Variants in FARP1 observed in about 807,000 individuals in gnomAD.
The protein encoded by FARP1 is FERM, ARH/RhoGEF and pleckstrin domain protein 1, also known as FERM, ARHGEF and pleckstrin domain-containing protein 1.
A neutral mutation model predicts 128.8 loss-of-function variants in FARP1; 52 were observed. The ratio of observed to expected loss-of-function variants is 0.40; its 90% CI spans 0.32 to 0.51. FARP1 has a LOEUF of 0.51. FARP1 is among the 20% of genes least tolerant of loss of function. The pLI, the probability that FARP1 is intolerant of heterozygous loss-of-function variation, is 0.45. For missense variants in FARP1, 1,333 were observed against 1,367.9 expected, an observed-to-expected ratio of 0.97 and a Z score of 0.40; for synonymous variants, 580 against 551.8, an observed-to-expected ratio of 1.05 and a Z score of -0.72.
intron 9 of FARP1, 193 bp from the exon 10 acceptor site, chr13:98,389,764 T>C (rs1890236140): frequency 2.0e-6 from 1 of 511,866 alleles, no homozygotes; most frequent in Non-Finnish European, 3.4e-6. Flanking sequence ...GGGAAGAAAA[T>C]GATGGACTAG....
chr13:98,149,233 C>T (rs1306593044), intron 1 of FARP1, among the ~76,000 whole-genome samples: 1 of 152,116 alleles, frequency 6.6e-6, no homozygotes, highest in East Asian at 1.9e-4. Flanking sequence ...CTTCTCCTCT[C>T]CCTCTCTTCT....
intron 2 of FARP1, among the ~76,000 whole-genome samples, chr13:98,316,399 T>C (rs942584662): frequency 2.0e-5 from 3 of 152,156 alleles, no homozygotes; most frequent in African/African-American, 7.2e-5. Context: ...CATCCCAAAT[T>C]TTGTAGATGT....
chr13:98,244,450 G>T (rs750660547), intron 2 of FARP1: 2 of 1,558,562 alleles, frequency 1.3e-6, no homozygotes, highest in South Asian at 1.2e-5. Context: ...AACAAAAAGC[G>T]CCTTTTCAAG....
chr13:98,345,354 T>C (rs148506608), intron 3 of FARP1: 20 of 148,998 alleles, frequency 1.3e-4, no homozygotes, highest in African/African-American at 4.9e-4. Flanking sequence ...TTTCCCCATG[T>C]CTGAATCTAC....
intron 15 of FARP1, 64 bp from the exon 16 acceptor site, chr13:98,411,837 A>G: frequency 1.9e-6 from 3 of 1,571,472 alleles, no homozygotes; most frequent in Non-Finnish European, 2.6e-6. Flanking sequence ...TGACTTCTGG[A>G]GAAAACTGCA....
Position 98,176,742 on chromosome 13 carries a change from GC to G in FARP1, c.-24+33253del. On this transcript the variant is annotated intron_variant, in intron 1 of 26. Transcript: ENST00000319562. This position sits in a 1 kb window ranked among gnomAD's most constrained non-coding sequence, Gnocchi z 6.2. ...TCCTCGCCATCCCCGAGGAGGAGTT[GC>G]CCATGGACGTGTCCTTGGGCTTCAG... 6.2e-7 allele frequency: 1 copy of G among 1,614,048 alleles called. No homozygotes were observed. The highest frequency in any genetic ancestry group is 8.5e-7 in the Non-Finnish European group (1 of 1,179,986).
In FARP1 at chr13:98,156,989, G is replaced by A. The variant is rs140773313; in HGVS notation, c.-24+13497G>A. Among the ~76,000 whole-genome samples the A allele has an allele frequency of 3.4e-3, 514 of 152,260 alleles. 3 individuals are homozygous for A. The highest frequency in any genetic ancestry group is 0.012 in the African/African-American group (492 of 41,566). ...CCAAATAAGAAATACCTAATCTGAG[G>A]TCTGCTGGGTCATGCAGGAAGGACG... On this transcript the variant is annotated intron_variant, in intron 1 of 26. Transcript: ENST00000319562.
At chr13:98,336,284 C>G (rs1887739327) in intron 2 of FARP1, among the ~76,000 whole-genome samples, 1 of 152,270 alleles carries the variant, frequency 6.6e-6, no homozygotes, top group South Asian at 2.1e-4. Flanking sequence ...GGGAGTCTTA[C>G]TCTGTCGCCC....
intron 2 of FARP1, among the ~76,000 whole-genome samples, chr13:98,311,642 T>A (rs1594387032): frequency 6.6e-6 from 1 of 152,144 alleles, no homozygotes; most frequent in East Asian, 1.9e-4. Context: ...AGCCGTATTC[T>A]GGTTGGTGGC....
chr13:98,247,383 G>A (rs1171127697), intron 2 of FARP1, among the ~76,000 whole-genome samples: 1 of 152,184 alleles, frequency 6.6e-6, no homozygotes, highest in Non-Finnish European at 1.5e-5. Flanking sequence ...CCCACATAGA[G>A]TTCTTTAACT....
chr13:98,172,372 G>A (rs1179289927), intron 1 of FARP1, among the ~76,000 whole-genome samples: 1 of 152,054 alleles, frequency 6.6e-6, no homozygotes, highest in African/African-American at 2.4e-5. Flanking sequence ...CTCCGGCAGT[G>A]CCACTGAGCA....
chr13:98,155,034 C>G (rs1876399689), intron 1 of FARP1, among the ~76,000 whole-genome samples: 1 of 152,086 alleles, frequency 6.6e-6, no homozygotes, highest in Non-Finnish European at 1.5e-5. Flanking sequence ...ATAGCAAGAC[C>G]CCATCTCTAT....
In FARP1 at chr13:98,431,135, A is replaced by G. The variant is rs750205727; in HGVS notation, c.1998A>G (p.Arg666=). The G allele has an allele frequency of 2.5e-6, 4 of 1,614,062 alleles. No individual in the cohort carries two copies. The Admixed American group carries it at 5.0e-5, about 20-fold the overall frequency. The stretch of plus-strand genomic sequence containing the variant: ...CCCGGCGGCTGGAGAACTTCTGCAG[A>G]GACTTTGAGCTGCAGAAGGTGTGTT... ...KSSRRLENFC[R]DFELQKVCYL... The change falls in exon 18 of 27, where the codon AGA becomes AGG. Residue 666 remains arginine, a synonymous_variant. Transcript: ENST00000319562.
chr13:98,252,549 C>T (rs1286103437), intron 2 of FARP1, among the ~76,000 whole-genome samples: 3 of 152,234 alleles, frequency 2.0e-5, no homozygotes, highest in Admixed American at 2.0e-4. Context: ...GCCCTGGTGG[C>T]AGATGGTCTG....
At chr13:98,443,044 G>A (rs1162925857) in intron 24 of FARP1, among the ~76,000 whole-genome samples, 2 of 152,260 alleles carry the variant, frequency 1.3e-5, no homozygotes, top group Non-Finnish European at 2.9e-5. Context: ...CCTTCCGTGT[G>A]CATGATCAGG....
At chr13:98,188,071 C>T (rs554534078) in intron 1 of FARP1, among the ~76,000 whole-genome samples, 1 of 152,158 alleles carries the variant, frequency 6.6e-6, no homozygotes, top group Non-Finnish European at 1.5e-5. Context: ...GCAGTTTGCT[C>T]TGCTGAGCGT....
chr13:98,262,175 CCTG>C (rs1883915763), intron 2 of FARP1, among the ~76,000 whole-genome samples: 1 of 148,782 alleles, frequency 6.7e-6, no homozygotes, highest in Non-Finnish European at 1.5e-5. Flanking sequence ...GCTACCGCGC[CCTG>C]CTAATTTTTT....
intron 1 of FARP1, among the ~76,000 whole-genome samples, chr13:98,189,044 C>A (rs916703052): frequency 6.6e-6 from 1 of 152,160 alleles, no homozygotes; most frequent in Non-Finnish European, 1.5e-5. Flanking sequence ...TTCTCCTCTC[C>A]TTGTCCTGTG....
chr13:98,203,598 A>G (rs1880086762), intron 1 of FARP1, among the ~76,000 whole-genome samples: 3 of 152,214 alleles, frequency 2.0e-5, no homozygotes, highest in Admixed American at 1.3e-4. Context: ...TTGTGGCAGA[A>G]CAATATTCCC....
Sources: gnomAD v4.1 joint callset for allele counts (sites outside exome capture counted in the v4.1 genomes callset) on GRCh38, gnomAD v4.1.1 for gene constraint, Gnocchi (gnomAD v3.1) non-coding constraint, MANE v1.5 for transcripts, NCBI Gene and HGNC (gene_info 2026-07-23, HGNC 2026-07-21) for gene names.